Variants in TAFA2 observed in about 807,000 individuals in gnomAD.
TAFA2 encodes chemokine-like protein TAFA-2.
Under a neutral mutation model 18.8 loss-of-function variants are expected in TAFA2, and 7 were observed. The observed-to-expected ratio is 0.37, with a 90% CI of 0.21 to 0.70. The LOEUF is 0.70. TAFA2 is among the 30% of genes least tolerant of loss of function. The probability of loss-of-function intolerance (pLI) is 0.53; values close to 1 mark genes in which losing one functional copy is unlikely to be tolerated. For synonymous variants in TAFA2, 60 were observed against 54.2 expected (o/e 1.11, Z -0.47); for missense variants, 122 against 158.1 (o/e 0.77, Z 1.23).
intron 1 of TAFA2, among the ~76,000 whole-genome samples, chr12:62,108,451 CAT>C (rs1435674511): frequency 5.9e-5 from 9 of 152,154 alleles, no homozygotes; most frequent in Non-Finnish European, 1.3e-4. Context: ...ATTAAATGTA[CAT>C]GTGTATATGT....
intron 1 of TAFA2, among the ~76,000 whole-genome samples, chr12:62,082,388 T>C (rs770950963): frequency 2.0e-5 from 3 of 152,236 alleles, no homozygotes; most frequent in Non-Finnish European, 4.4e-5. Context: ...CCTATTCCAC[T>C]AATGCTCCTT....
chr12:61,755,394 C>A (rs1389379244), intron 2 of TAFA2, among the ~76,000 whole-genome samples: 2 of 152,092 alleles, frequency 1.3e-5, no homozygotes, highest in Admixed American at 1.3e-4. Flanking sequence ...AGGTACCCTG[C>A]AATGGGACTG....
chr12:61,846,482 G>A lies in TAFA2; in HGVS notation c.106+20838C>T, dbSNP rs562762127. On this transcript the variant is annotated intron_variant, in intron 2 of 4. Coordinates refer to ENST00000416284, the MANE Select transcript of TAFA2 (RefSeq NM_178539.5). ...ATTCTCACTAACAAGACAATTTCTT[G>A]TTTATGACTTATTTAGGGAAAGGGA... Among the ~76,000 whole-genome samples, 16 of 152,124 alleles carry A rather than the reference G, an allele frequency of 1.1e-4. 1 individual carries two copies. In the South Asian group the frequency reaches 1.7e-3, roughly 16 times the overall value.
intron 1 of TAFA2, chr12:62,235,454 G>T: frequency 1.7e-6 from 1 of 605,916 alleles, no homozygotes; most frequent in South Asian, 1.9e-5. Context: ...CTGGTGCGCC[G>T]CCTGCCACTG....
chr12:62,118,944 A>G (rs960845623), intron 1 of TAFA2, among the ~76,000 whole-genome samples: 10 of 152,174 alleles, frequency 6.6e-5, no homozygotes, highest in Non-Finnish European at 2.9e-5. Context: ...ATTTTAATAT[A>G]GCAAAATATA....
chr12:61,997,307 A>T (rs1880230494), intron 1 of TAFA2, among the ~76,000 whole-genome samples: 1 of 152,132 alleles, frequency 6.6e-6, no homozygotes, highest in Non-Finnish European at 1.5e-5. Flanking sequence ...GCGATATTTG[A>T]GCAAGGATCT....
chr12:62,076,960 G>A (rs1868253526), intron 1 of TAFA2, among the ~76,000 whole-genome samples: 1 of 152,150 alleles, frequency 6.6e-6, no homozygotes, highest in Non-Finnish European at 1.5e-5. Flanking sequence ...TAAAAGAAAT[G>A]AAGCCTCGAT....
At chr12:62,041,663 C>A (rs901618762) in intron 1 of TAFA2, among the ~76,000 whole-genome samples, 1 of 152,074 alleles carries the variant, frequency 6.6e-6, no homozygotes, top group Non-Finnish European at 1.5e-5. Flanking sequence ...ATCTGAATTG[C>A]ATGTATACTT....
intron 1 of TAFA2, among the ~76,000 whole-genome samples, chr12:62,201,085 T>C (rs1181714019): frequency 6.6e-6 from 1 of 152,200 alleles, no homozygotes; most frequent in Non-Finnish European, 1.5e-5. Context: ...TTTTGTATGT[T>C]TATTTTGTAT....
chr12:61,798,559 C>G (rs560990865), intron 2 of TAFA2, among the ~76,000 whole-genome samples: 6 of 152,240 alleles, frequency 3.9e-5, no homozygotes, highest in African/African-American at 1.4e-4. Context: ...TCCCCATTTC[C>G]CTCTTCCTCC....
At position 62,019,307 on chromosome 12, in the gene TAFA2, T is replaced by C. The variant is rs547721183; in HGVS notation, c.-1-151881A>G. 2.2e-3 allele frequency among the ~76,000 whole-genome samples: 331 copies of C among 152,086 alleles called. 3 individuals carry two copies. Among genetic ancestry groups the C allele is most frequent in the African/African-American group, 7.5e-3 (313 of 41,468 alleles). ...CTAGAACTAGAAATACCATTTGACC[T>C]AGCCATCCCATTACTGGGTATATAC... On this transcript the variant is annotated intron_variant, in intron 1 of 4. Coordinates refer to ENST00000416284, the MANE Select transcript of TAFA2 (RefSeq NM_178539.5).
Position 61,754,910 on chromosome 12 carries a change from A to G in TAFA2, c.221T>C (p.Val74Ala). The change falls in exon 3 of 5, where the codon GTG becomes GCG. Residue 74 changes from valine (V) to alanine (A), a missense_variant. Transcript: ENST00000416284. ...TGGAGCAGCTCGCGTGGTGCCTGCCACCTGCCCAGGGAAGCAGGAGCACTT... is the reference window on the plus strand; with the variant it reads ...TGGAGCAGCTCGCGTGGTGCCTGCCGCCTGCCCAGGGAAGCAGGAGCACTT... Reference protein sequence around the residue: ...TVKCSCFPGQVAGTTRAAPSC... With the variant: ...TVKCSCFPGQAAGTTRAAPSC... The G allele has an allele frequency of 6.2e-7, 1 of 1,612,902 alleles. No individual in the cohort carries two copies. Among genetic ancestry groups the G allele is most frequent in the Non-Finnish European group, 8.5e-7 (1 of 1,179,368 alleles).
intron 1 of TAFA2, among the ~76,000 whole-genome samples, chr12:62,249,929 C>CT (rs1289046887): frequency 4.6e-5 from 7 of 152,108 alleles, no homozygotes; most frequent in African/African-American, 1.4e-4. Flanking sequence ...GGTGGTTTCA[C>CT]TTTTTTGGGG....
chr12:62,034,458 A>T (rs1881547547), intron 1 of TAFA2, among the ~76,000 whole-genome samples: 1 of 152,344 alleles, frequency 6.6e-6, no homozygotes, highest in South Asian at 2.1e-4. Flanking sequence ...TGTAATGTTT[A>T]TTCTAATTTG....
At chr12:61,863,745 G>T (rs1266119731) in intron 2 of TAFA2, among the ~76,000 whole-genome samples, 1 of 152,050 alleles carries the variant, frequency 6.6e-6, no homozygotes, top group Non-Finnish European at 1.5e-5. Context: ...TCCTCCACTT[G>T]CTGTGAATGT....
intron 1 of TAFA2, among the ~76,000 whole-genome samples, chr12:62,076,085 C>T (rs1018859930): frequency 6.6e-6 from 1 of 152,090 alleles, no homozygotes; most frequent in African/African-American, 2.4e-5. Context: ...ATATCTTTAA[C>T]CTTTGACTTG....
chr12:62,064,421 T>C (rs1882433989), intron 1 of TAFA2, among the ~76,000 whole-genome samples: 2 of 151,910 alleles, frequency 1.3e-5, no homozygotes, highest in Non-Finnish European at 2.9e-5. Flanking sequence ...GTTGTGCCAA[T>C]AAACAACTTA....
At chr12:61,968,934 G>C (rs1047080551) in intron 1 of TAFA2, among the ~76,000 whole-genome samples, 9 of 151,606 alleles carry the variant, frequency 5.9e-5, no homozygotes, top group Non-Finnish European at 1.2e-4. Flanking sequence ...CATAAGCTAG[G>C]TTATGCTGAA....
intron 1 of TAFA2, among the ~76,000 whole-genome samples, chr12:62,019,827 T>A (rs1249271341): frequency 1.3e-5 from 2 of 151,760 alleles, no homozygotes; most frequent in East Asian, 1.9e-4. Context: ...AATAAAAAAA[T>A]TTAAAAAAAT....
Sources: gnomAD v4.1 joint callset for allele counts (sites outside exome capture counted in the v4.1 genomes callset) on GRCh38, gnomAD v4.1.1 for gene constraint, MANE v1.5 for transcripts, NCBI Gene and HGNC (gene_info 2026-07-23, HGNC 2026-07-21) for gene names.